The following LYRM4 variants were observed in gnomAD, a reference collection of about 807,000 sequenced individuals.
LYRM4 encodes the protein LYR motif-containing protein 4.
In LYRM4, 9 loss-of-function variants were observed where a neutral mutation model predicts 11.7. The ratio of observed to expected loss-of-function variants is 0.77; its 90% CI spans 0.46 to 1.34. The LOEUF is 1.34. LYRM4 is among the 40% of genes most tolerant of loss of function. The pLI is 0.00. For missense variants in LYRM4, 133 were observed against 112.5 expected (o/e 1.18, Z -0.82); for synonymous variants, 42 against 40.4 (o/e 1.04, Z -0.15).
the LYRM4 span, among the ~76,000 whole-genome samples, chr6:5,057,858 C>A: frequency 6.6e-6 from 1 of 151,950 alleles, no homozygotes; most frequent in Non-Finnish European, 1.5e-5. Flanking sequence ...AACTCCTGGG[C>A]TCAAGCAATC....
intron 1 of LYRM4, among the ~76,000 whole-genome samples, chr6:5,217,097 G>A (rs928361673): frequency 6.6e-6 from 1 of 152,194 alleles, no homozygotes; most frequent in Non-Finnish European, 1.5e-5. Context: ...TAGCGGCAGT[G>A]AACCATGATG....
At chr6:5,135,982 G>C (rs434352) in intron 2 of LYRM4, among the ~76,000 whole-genome samples, 48,877 of 151,940 alleles carry the variant, frequency 0.32, 8,550 homozygotes, top group African/African-American at 0.45. Flanking sequence ...TCTAGGGACC[G>C]CCGTAAGTGG....
At chr6:5,257,679 G>A (rs1292730841) in intron 1 of LYRM4, among the ~76,000 whole-genome samples, 1 of 152,194 alleles carries the variant, frequency 6.6e-6, no homozygotes, top group Admixed American at 6.5e-5. Context: ...ATTGTGAACT[G>A]TGCATGTGAG....
the LYRM4 span, among the ~76,000 whole-genome samples, chr6:5,048,353 T>C: frequency 2.0e-4 from 30 of 151,726 alleles, no homozygotes; most frequent in East Asian, 4.1e-3. Flanking sequence ...TCCCTCTCTG[T>C]TGCCCAGGCT....
At chr6:5,168,620 T>C (rs941246289) in intron 2 of LYRM4, among the ~76,000 whole-genome samples, 2 of 152,020 alleles carry the variant, frequency 1.3e-5, no homozygotes, top group Non-Finnish European at 2.9e-5. Flanking sequence ...GGAGAGCCAA[T>C]GGACTGACCC....
At chr6:5,054,594 C>T in the LYRM4 span, among the ~76,000 whole-genome samples, 6 of 152,200 alleles carry the variant, frequency 3.9e-5, no homozygotes, top group African/African-American at 7.2e-5. Flanking sequence ...AAACTCTAAG[C>T]GCCCCCAACC....
chr6:5,120,450 C>G (rs661578), intron 2 of LYRM4, among the ~76,000 whole-genome samples: 91,325 of 151,996 alleles, frequency 0.6, 28,377 homozygotes, highest in East Asian at 0.93. Flanking sequence ...AGACCTTTAC[C>G]GTGAGTGTTA....
intron 1 of LYRM4, among the ~76,000 whole-genome samples, chr6:5,230,126 G>C (rs1222072037): frequency 6.6e-6 from 1 of 152,288 alleles, no homozygotes; most frequent in African/African-American, 2.4e-5. Context: ...CTCCTTTTTT[G>C]TTGGGTTTTA....
chr6:5,138,774 A>G, intron 2 of LYRM4: 6 of 1,462,048 alleles, frequency 4.1e-6, no homozygotes, highest in Non-Finnish European at 5.5e-6. Flanking sequence ...AAAAGTTAAG[A>G]GTAACAGTTA....
intron 1 of LYRM4, among the ~76,000 whole-genome samples, chr6:5,219,003 C>T (rs769852850): frequency 1.3e-5 from 2 of 152,280 alleles, no homozygotes; most frequent in South Asian, 4.1e-4. Flanking sequence ...ATATTTGTTC[C>T]ACAGGCAAAA....
At chr6:5,049,741 C>G in the LYRM4 span, among the ~76,000 whole-genome samples, 88 of 151,206 alleles carry the variant, frequency 5.8e-4, no homozygotes, top group Admixed American at 3.0e-3. Context: ...GCAATCTTGG[C>G]TCACTGCAAC....
chr6:5,223,002 A>G (rs1174589187), intron 1 of LYRM4, among the ~76,000 whole-genome samples: 2 of 152,214 alleles, frequency 1.3e-5, no homozygotes, highest in East Asian at 3.8e-4. Flanking sequence ...TTTATAATGG[A>G]AGGAAATGTC....
intron 1 of LYRM4, among the ~76,000 whole-genome samples, chr6:5,231,014 C>T (rs925600537): frequency 5.3e-5 from 8 of 152,178 alleles, no homozygotes; most frequent in Non-Finnish European, 8.8e-5. Context: ...CGGTGGCTCA[C>T]GCCTGTAATC....
intron 2 of LYRM4, among the ~76,000 whole-genome samples, chr6:5,212,109 G>T (rs1190427005): frequency 6.6e-6 from 1 of 152,214 alleles, no homozygotes; most frequent in East Asian, 1.9e-4. Flanking sequence ...TGATGCTGAT[G>T]CTGCAGGTCT....
chr6:5,207,383 C>T (rs1365452343), intron 2 of LYRM4, among the ~76,000 whole-genome samples: 2 of 151,000 alleles, frequency 1.3e-5, no homozygotes, highest in East Asian at 1.9e-4. Context: ...CTCATATACA[C>T]AGCAGGCAAG....
At chr6:5,158,617 C>T (rs1161672366) in intron 2 of LYRM4, among the ~76,000 whole-genome samples, 1 of 152,044 alleles carries the variant, frequency 6.6e-6, no homozygotes, top group Non-Finnish European at 1.5e-5. Flanking sequence ...GCTGGGACTA[C>T]AGGCATGCAC....
chr6:5,057,121 CA>C, the LYRM4 span, among the ~76,000 whole-genome samples: 2 of 152,134 alleles, frequency 1.3e-5, no homozygotes, highest in African/African-American at 4.8e-5. Context: ...CAAGTGTCCA[CA>C]AAGTTAAAAA....
chr6:5,070,699 G>C, the LYRM4 span, among the ~76,000 whole-genome samples: 5 of 151,652 alleles, frequency 3.3e-5, no homozygotes, highest in African/African-American at 1.2e-4. Context: ...AACATAGCAA[G>C]ACACCATCTA....
rs564163746 is a variant in LYRM4, at chr6:5,254,231, G to A, written c.86+6417C>T. 5.3e-5 allele frequency among the ~76,000 whole-genome samples: 8 copies of A among 152,268 alleles called. 1 individual carries two copies. In the East Asian group the frequency reaches 5.8e-4, roughly 11 times the overall value. On this transcript the variant is annotated intron_variant, in intron 1 of 2. Coordinates refer to ENST00000330636, the MANE Select transcript of LYRM4 (RefSeq NM_020408.6). ...AAAACCAACGCTTCACAAGTTGAAC[G>A]AATTGGCCTCATCCGCCATATTCAT...
Sources: gnomAD v4.1 joint callset for allele counts (sites outside exome capture counted in the v4.1 genomes callset) on GRCh38, gnomAD v4.1.1 for gene constraint, MANE v1.5 for transcripts, NCBI Gene and HGNC (gene_info 2026-07-23, HGNC 2026-07-21) for gene names.